The following EMC3 variants were observed in gnomAD, a reference collection of about 807,000 sequenced individuals.
The protein encoded by EMC3 is ER membrane protein complex subunit 3.
Under a neutral mutation model 36.6 loss-of-function variants are expected in EMC3, and 13 were observed. The ratio of observed to expected loss-of-function variants is 0.35; its 90% CI spans 0.23 to 0.56. The LOEUF (loss-of-function observed/expected upper bound fraction) is 0.56, where lower values mean the gene tolerates loss of function less well. Among genes scored for constraint, EMC3 ranks in the 20% least tolerant of loss-of-function variants. EMC3 has a pLI of 0.84. For missense variants in EMC3, 220 were observed against 324.5 expected (o/e 0.68, Z 2.47); for synonymous variants, 120 against 111.9 (o/e 1.07, Z -0.46).
At chr3:10,008,369 A>C (rs1377880457) in intron 1 of EMC3, 1 of 1,363,208 alleles carries the variant, frequency 7.3e-7, no homozygotes, top group Non-Finnish European at 9.8e-7. Flanking sequence ...CAGGGCAAAA[A>C]CCCACAAACA....
At chr3:9,994,596 G>GT (rs2086100362) in intron 1 of EMC3, among the ~76,000 whole-genome samples, 1 of 144,688 alleles carries the variant, frequency 6.9e-6, no homozygotes, top group Admixed American at 6.9e-5. Flanking sequence ...TCAAGACAGA[G>GT]TTTCGTTCTT....
intron 1 of EMC3, among the ~76,000 whole-genome samples, chr3:9,984,921 A>C (rs1216142852): frequency 6.6e-6 from 1 of 152,236 alleles, no homozygotes; most frequent in Non-Finnish European, 1.5e-5. Flanking sequence ...TGTTTCTATA[A>C]AATGAGACAA....
chr3:9,998,511 C>G lies in EMC3; in HGVS notation c.-241-11609G>C, dbSNP rs556928939. Among the ~76,000 whole-genome samples, 102 of 151,594 alleles carry G rather than the reference C, an allele frequency of 6.7e-4. No homozygotes were observed. In the Middle Eastern group the frequency reaches 0.014, roughly 20 times the overall value. ...GTGGCGTGATCATAGTTCACTGCAG[C>G]CTGAAACTCCTGGGCTCAAGCAGTC... On this transcript the variant is annotated intron_variant, in intron 1 of 8. Transcript: ENST00000470827.
At chr3:9,966,967 A>G (rs772847807) in intron 7 of EMC3, among the ~76,000 whole-genome samples, 15 of 152,172 alleles carry the variant, frequency 9.9e-5, no homozygotes, top group Admixed American at 2.0e-4. Flanking sequence ...CATTAATGAC[A>G]TTCACAATGT....
intron 1 of EMC3, among the ~76,000 whole-genome samples, chr3:9,984,370 A>G (rs1263682579): frequency 6.6e-6 from 1 of 151,556 alleles, no homozygotes; most frequent in Admixed American, 6.6e-5. Context: ...GTAAGCCACC[A>G]CACCCGGCCA....
rs1491474210 is a variant in EMC3, at chr3:9,969,569, GAA to G, written c.657+148_657+149del. The G allele has an allele frequency of 4.1e-5, 62 of 1,524,674 alleles. No homozygotes were observed. In the African/African-American group the frequency reaches 7.8e-4, roughly 19 times the overall value. 94.4% of individuals were successfully genotyped at this position (1,524,674 alleles called of 1,614,324 possible). On this transcript the variant is annotated intron_variant, in intron 7 of 7. Transcript: ENST00000245046. ...TACTTAATAGATGATTCTGTCTCAGGAAAGAGAGACGTGTAAACTATGTTTTT... is the reference window on the plus strand; with the variant it reads ...TACTTAATAGATGATTCTGTCTCAGGAGAGAGACGTGTAAACTATGTTTTT...
chr3:9,994,212 A>T (rs7615088), intron 1 of EMC3: 269,072 of 1,562,964 alleles, frequency 0.17, 7,042 homozygotes, highest in African/African-American at 0.3. Context: ...GTGTTCATCC[A>T]TTATGTCGCT....
rs1271074814 is a variant in EMC3 at position 9,979,763 on chromosome 3, A to G, written c.156-2317T>C. Among the ~76,000 whole-genome samples the G allele has an allele frequency of 2.0e-5, 3 of 152,184 alleles. No individual in the cohort carries two copies. In the East Asian group the frequency reaches 5.8e-4, roughly 29 times the overall value. On this transcript the variant is annotated intron_variant, in intron 1 of 7. Coordinates refer to ENST00000245046, the MANE Select transcript of EMC3 (RefSeq NM_001394674.1). ...ATAACCAGGAGGTGATGGAGTCTGG[A>G]AAGTCAAGGTCTGAGAGTTTGCTGA... is the stretch of plus-strand genomic sequence containing the variant.
intron 1 of EMC3, among the ~76,000 whole-genome samples, chr3:9,985,819 G>A (rs2085964809): frequency 6.6e-6 from 1 of 152,134 alleles, no homozygotes; most frequent in African/African-American, 2.4e-5. Flanking sequence ...GCTTGAACCC[G>A]GGAGGCGTAG....
chr3:9,971,763 G>C (rs904966688), intron 5 of EMC3, among the ~76,000 whole-genome samples: 4 of 152,216 alleles, frequency 2.6e-5, no homozygotes, highest in African/African-American at 9.7e-5. Flanking sequence ...GCATGGCCCA[G>C]CCTTCCCAGC....
intron 1 of EMC3, among the ~76,000 whole-genome samples, chr3:9,995,711 C>T (rs2086114912): frequency 6.6e-6 from 1 of 151,990 alleles, no homozygotes; most frequent in African/African-American, 2.4e-5. Context: ...TGTCTCAGTT[C>T]AGTGCAACCT....
At chr3:10,001,239 A>G (rs908425684) in intron 1 of EMC3, among the ~76,000 whole-genome samples, 1 of 151,900 alleles carries the variant, frequency 6.6e-6, no homozygotes, top group Non-Finnish European at 1.5e-5. Flanking sequence ...TCCTTTCACC[A>G]CTGAAATTAT....
At chr3:9,980,088 AGT>A (rs1428177517) in intron 1 of EMC3, among the ~76,000 whole-genome samples, 5 of 149,224 alleles carry the variant, frequency 3.4e-5, no homozygotes, top group South Asian at 4.2e-4. Context: ...ATCCCAGCTC[AGT>A]GCAACCTCTG....
chr3:9,991,326 C>A (rs138699215), upstream of EMC3, among the ~76,000 whole-genome samples: 827 of 152,256 alleles, frequency 5.4e-3, 10 homozygotes, highest in African/African-American at 0.018. Context: ...CACAAGGAAT[C>A]TACAGATGTA....
chr3:9,990,898 G>T (rs766335951), upstream of EMC3, among the ~76,000 whole-genome samples: 6 of 151,554 alleles, frequency 4.0e-5, no homozygotes, highest in Non-Finnish European at 7.4e-5. Flanking sequence ...GCACGATCTC[G>T]GCTCACTGCA....
chr3:9,969,359 A>G (rs2085762352), intron 7 of EMC3: 1 of 1,112,330 alleles, frequency 9.0e-7, no homozygotes, highest in South Asian at 2.1e-5. Context: ...CTTTTTGTGA[A>G]AAGGCTCTTA....
Position 9,964,012 on chromosome 3 carries a change from A to T in EMC3, c.*57T>A, listed in dbSNP as rs1405766337. On this transcript the variant is annotated 3_prime_UTR_variant, in exon 8 of 8. Coordinates refer to ENST00000245046, the MANE Select transcript of EMC3 (RefSeq NM_001394674.1). ...TTCAAGAGGTGCCAGCTCCAAACAA[A>T]GTTACAAGGTTAAGTGCAACTCCAA... The T allele has an allele frequency of 6.3e-7, 1 of 1,594,136 alleles. No individual in the cohort carries two copies. Among genetic ancestry groups the T allele is most frequent in the Non-Finnish European group, 8.5e-7 (1 of 1,169,840 alleles).
intron 1 of EMC3, chr3:10,007,520 G>C: frequency 7.3e-7 from 1 of 1,367,628 alleles, no homozygotes; most frequent in Non-Finnish European, 9.8e-7. Flanking sequence ...TGATAACAGT[G>C]GCATGAAGCG....
chr3:9,973,790 G>A (rs2085815394), intron 4 of EMC3, 81 bp from the exon 5 acceptor site: 1 of 1,308,866 alleles, frequency 7.6e-7, no homozygotes, highest in Non-Finnish European at 1.1e-6. Flanking sequence ...GAGGAGGTGG[G>A]AACTCTGTGC....
Sources: gnomAD v4.1 joint callset for allele counts (sites outside exome capture counted in the v4.1 genomes callset) on GRCh38, gnomAD v4.1.1 for gene constraint, MANE v1.5 for transcripts, NCBI Gene and HGNC (gene_info 2026-07-23, HGNC 2026-07-21) for gene names.